Variants in TRIM67 observed in about 807,000 individuals in gnomAD.
The protein encoded by TRIM67 is tripartite motif-containing protein 67.
Under a neutral mutation model 71.0 loss-of-function variants are expected in TRIM67, and 39 were observed. That is an observed-to-expected ratio of 0.55 (90% CI 0.43 to 0.72). The LOEUF is 0.72. TRIM67 is among the 30% of genes least tolerant of loss of function. The pLI is 0.00. For synonymous variants in TRIM67, 481 were observed against 473.9 expected (o/e 1.01, Z -0.19); for missense variants, 973 against 1,079.2 (o/e 0.90, Z 1.38).
Position 231,215,383 on chromosome 1 carries a change from G to C in TRIM67, c.2295G>C (p.Leu765=), listed in dbSNP as rs1386893717. 2 of 1,612,788 alleles carry C rather than the reference G, an allele frequency of 1.2e-6. No individual in the cohort carries two copies. The highest frequency in any genetic ancestry group is 1.1e-5 in the South Asian group (1 of 90,894). The change falls in exon 10 of 10, where the codon CTG becomes CTC. Residue 765 remains leucine (L), a synonymous_variant. Coordinates refer to ENST00000366653, the MANE Select transcript of TRIM67 (RefSeq NM_001004342.5). The part of the protein sequence containing the change: ...LSLNRNVQVT[L]HTGLEVPTNL... ...CCTGTCTTCTTTTCCAGGTCACCCT[G>C]CACACAGGATTGGAAGTGCCGACTA...
At chr1:231,170,902 G>A (rs971788586) in intron 1 of TRIM67, among the ~76,000 whole-genome samples, 3 of 152,122 alleles carry the variant, frequency 2.0e-5, no homozygotes, top group Non-Finnish European at 4.4e-5. Flanking sequence ...CTTGTTGGTC[G>A]CAATCTAAGT....
At chr1:231,169,332 G>T (rs1370436644) in intron 1 of TRIM67, among the ~76,000 whole-genome samples, 1 of 150,920 alleles carries the variant, frequency 6.6e-6, no homozygotes, top group East Asian at 1.9e-4. Flanking sequence ...TGGGATTACA[G>T]GTGTGAGCCA....
chr1:231,163,406 C>T lies in TRIM67; in HGVS notation c.437C>T (p.Ala146Val), dbSNP rs1469797480. ...GSSAAAARGA[A>V]CSSLSSSSSS... ...TCGGCTGCGGCGGCTCGGGGTGCCG[C>T]CTGCTCCTCGCTGTCCTCGTCTTCG... is the stretch of plus-strand genomic sequence containing the variant. The change falls in exon 1 of 10, where the codon GCC (alanine) becomes GTC (valine). Residue 146 changes from alanine to valine, a missense_variant. By Grantham distance (64) the Ala-to-Val change is moderately conservative (BLOSUM62 0). Coordinates refer to ENST00000366653, the MANE Select transcript of TRIM67 (RefSeq NM_001004342.5). 11 of 1,537,276 alleles carry T rather than the reference C, an allele frequency of 7.2e-6. No individual in the cohort carries two copies. In the South Asian group the frequency reaches 8.5e-5, roughly 12 times the overall value.
chr1:231,199,624 C>A (rs1009572047), intron 3 of TRIM67, among the ~76,000 whole-genome samples: 4 of 152,146 alleles, frequency 2.6e-5, no homozygotes, highest in African/African-American at 4.8e-5. Flanking sequence ...ACACTGAGTC[C>A]CTAACTCAGC....
chr1:231,186,517 G>A (rs574346949), intron 1 of TRIM67, among the ~76,000 whole-genome samples: 16 of 152,202 alleles, frequency 1.1e-4, no homozygotes, highest in African/African-American at 2.4e-4. Context: ...GACCTGCTCC[G>A]GCCTCTCTCC....
chr1:231,211,427 C>G (rs1053486214), intron 8 of TRIM67, among the ~76,000 whole-genome samples: 1 of 152,284 alleles, frequency 6.6e-6, no homozygotes, highest in South Asian at 2.1e-4. Context: ...AGTTGGACCC[C>G]AGAGCTGACT....
chr1:231,185,355 C>T, intron 1 of TRIM67: 2 of 893,438 alleles, frequency 2.2e-6, no homozygotes, highest in Non-Finnish European at 3.3e-6. Context: ...CTCTTGTTTT[C>T]CTCATCTGAA....
At chr1:231,202,163 G>GAT in intron 5 of TRIM67, among the ~76,000 whole-genome samples, 1 of 122,506 alleles carries the variant, frequency 8.2e-6, no homozygotes, top group Admixed American at 7.9e-5. Flanking sequence ...CGGAGGAGGA[G>GAT]GTAGTGGAGG....
In TRIM67 at chr1:231,217,070, CT is replaced by C; in HGVS notation, c.*1631del. The stretch of plus-strand genomic sequence containing the variant: ...CTGCCTTCCTGTTCAGACACCGCGC[CT>C]GCTTTCTGAGTAACTGCCTGCCGGA... On this transcript the variant is annotated 3_prime_UTR_variant, in exon 10 of 10. Coordinates refer to ENST00000366653, the MANE Select transcript of TRIM67 (RefSeq NM_001004342.5). The C allele has an allele frequency of 1.0e-6, 1 of 985,952 alleles. No homozygotes were observed. The highest frequency in any genetic ancestry group is 1.2e-6 in the Non-Finnish European group (1 of 829,976). 61.1% of individuals were successfully genotyped at this position (985,952 alleles called of 1,614,324 possible).
At chr1:231,174,995 T>C (rs1006478479) in intron 1 of TRIM67, among the ~76,000 whole-genome samples, 2 of 152,208 alleles carry the variant, frequency 1.3e-5, no homozygotes, top group Non-Finnish European at 2.9e-5. Context: ...TGAATGCTGC[T>C]TGGAAATGTT....
intron 4 of TRIM67, 39 bp from the exon 5 acceptor site, chr1:231,201,319 T>A (rs756654795): frequency 2.5e-6 from 4 of 1,586,048 alleles, no homozygotes; most frequent in Non-Finnish European, 2.6e-6. Flanking sequence ...AATTTTTCCT[T>A]TGCAAAGCAA....
chr1:231,208,450 A>G (rs1302420139), intron 7 of TRIM67, among the ~76,000 whole-genome samples: 1 of 152,120 alleles, frequency 6.6e-6, no homozygotes, highest in Non-Finnish European at 1.5e-5. Context: ...CTGGGATTAC[A>G]GGTGTGAACC....
intron 2 of TRIM67, among the ~76,000 whole-genome samples, chr1:231,198,677 C>T (rs1388109316): frequency 3.3e-5 from 5 of 152,282 alleles, no homozygotes; most frequent in African/African-American, 7.2e-5. Flanking sequence ...TGAGCTGCCG[C>T]GCCGGGCCTG....
intron 1 of TRIM67, among the ~76,000 whole-genome samples, chr1:231,187,790 G>C (rs2102735679): frequency 6.6e-6 from 1 of 152,322 alleles, no homozygotes; most frequent in East Asian, 1.9e-4. Context: ...CAGGCACAAA[G>C]GAGCTGCTGT....
intron 8 of TRIM67, among the ~76,000 whole-genome samples, chr1:231,210,758 A>T (rs1045054112): frequency 6.6e-6 from 1 of 151,956 alleles, no homozygotes; most frequent in African/African-American, 2.4e-5. Flanking sequence ...ACTGGGGCTT[A>T]GGCTGGAATG....
At chr1:231,184,901 T>C in intron 1 of TRIM67, 1 of 913,556 alleles carries the variant, frequency 1.1e-6, no homozygotes, top group South Asian at 1.7e-5. Context: ...AGAAACTAGG[T>C]CACGTAAAAT....
chr1:231,179,534 C>A (rs919273939), intron 1 of TRIM67, among the ~76,000 whole-genome samples: 1 of 152,156 alleles, frequency 6.6e-6, no homozygotes, highest in Non-Finnish European at 1.5e-5. Context: ...GTCGTTAACC[C>A]ATTTATGCCT....
chr1:231,181,784 C>T (rs1483225978), intron 1 of TRIM67, among the ~76,000 whole-genome samples: 2 of 152,158 alleles, frequency 1.3e-5, no homozygotes, highest in African/African-American at 4.8e-5. Context: ...GCCCACTATC[C>T]AGAGTGAATA....
In TRIM67 at chr1:231,219,582, G is replaced by A; in HGVS notation, c.*4142G>A. The A allele has an allele frequency of 9.0e-7, 1 of 1,107,336 alleles. No homozygotes were observed. Among genetic ancestry groups the A allele is most frequent in the Non-Finnish European group, 1.1e-6 (1 of 901,834 alleles). 68.6% of individuals were successfully genotyped at this position (1,107,336 alleles called of 1,614,324 possible). On this transcript the variant is annotated 3_prime_UTR_variant, in exon 10 of 10. Coordinates refer to ENST00000366653, the MANE Select transcript of TRIM67 (RefSeq NM_001004342.5). ...GGGTCTTGAATTTTCACTCACTGAA[G>A]ATGCCCCCTGCCCGCTCCCCACTTC...
Sources: gnomAD v4.1 joint callset for allele counts (sites outside exome capture counted in the v4.1 genomes callset) on GRCh38, gnomAD v4.1.1 for gene constraint, MANE v1.5 for transcripts, NCBI Gene and HGNC (gene_info 2026-07-23, HGNC 2026-07-21) for gene names.